OSTF1: variants seen among roughly 807,000 people sequenced by gnomAD.
OSTF1 encodes osteoclast-stimulating factor 1.
In OSTF1, 27 loss-of-function variants were observed where a neutral mutation model predicts 37.2. The ratio of observed to expected loss-of-function variants is 0.73; its 90% confidence interval spans 0.54 to 1.00. The LOEUF (loss-of-function observed/expected upper bound fraction) is 1.00, where lower values mean the gene tolerates loss of function less well. Among genes scored for constraint, OSTF1 ranks in the 50% least tolerant of loss-of-function variants. OSTF1 has a pLI of 0.00. For missense variants in OSTF1, 232 were observed against 253.8 expected (o/e 0.91, Z 0.58); for synonymous variants, 82 against 89.2 (o/e 0.92, Z 0.46).
chr9:75,097,366 T>G (rs1267471662), intron 1 of OSTF1, among the ~76,000 whole-genome samples: 2 of 152,152 alleles, frequency 1.3e-5, no homozygotes, highest in Non-Finnish European at 2.9e-5. Context: ...GCCTTTGCAC[T>G]CTTGAAAACC....
chr9:75,110,811 A>G (rs1323362695), intron 1 of OSTF1, among the ~76,000 whole-genome samples: 3 of 151,958 alleles, frequency 2.0e-5, no homozygotes, highest in African/African-American at 7.3e-5. Context: ...CCTGGGTTCA[A>G]GTAGTCCTCC....
intron 1 of OSTF1, among the ~76,000 whole-genome samples, chr9:75,090,397 G>A (rs953903254): frequency 6.6e-6 from 1 of 151,984 alleles, no homozygotes; most frequent in African/African-American, 2.4e-5. Flanking sequence ...GTTACTAATT[G>A]TGGATACATT....
intron 3 of OSTF1, among the ~76,000 whole-genome samples, chr9:75,128,387 T>TTTTTTGTCC (rs1439910491): frequency 3.3e-5 from 3 of 91,736 alleles, no homozygotes; most frequent in African/African-American, 9.0e-5. Flanking sequence ...TATATATATA[T>TTTTTTGTCC]ATATATATAT....
chr9:75,131,374 G>T (rs1825759126), intron 4 of OSTF1, among the ~76,000 whole-genome samples: 1 of 152,138 alleles, frequency 6.6e-6, no homozygotes, highest in Non-Finnish European at 1.5e-5. Flanking sequence ...TTATTTTCAG[G>T]TATCTTTAAA....
intron 1 of OSTF1, among the ~76,000 whole-genome samples, chr9:75,096,556 G>A (rs901249233): frequency 6.6e-6 from 1 of 151,904 alleles, no homozygotes; most frequent in Non-Finnish European, 1.5e-5. Flanking sequence ...CTTTACAAGG[G>A]TCTCCCTGGC....
chr9:75,139,027 CTTCTTTCTTTCTTTCT>C (rs201231543), intron 8 of OSTF1, among the ~76,000 whole-genome samples: 2 of 120,502 alleles, frequency 1.7e-5, no homozygotes, highest in Admixed American at 8.4e-5. Flanking sequence ...TTTGGGGACA[CTTCTTTCTTTCTTTCT>C]TTCTTTCTTT....
At chr9:75,097,450 T>C (rs1825106859) in intron 1 of OSTF1, among the ~76,000 whole-genome samples, 1 of 152,194 alleles carries the variant, frequency 6.6e-6, no homozygotes, top group African/African-American at 2.4e-5. Flanking sequence ...ACCAATGGAA[T>C]GGACCCCTCC....
At chr9:75,102,032 C>T (rs927115270) in intron 1 of OSTF1, among the ~76,000 whole-genome samples, 8 of 152,332 alleles carry the variant, frequency 5.3e-5, no homozygotes, top group Admixed American at 2.6e-4. Flanking sequence ...GGCAGTGGCA[C>T]AATTATAGCT....
intron 1 of OSTF1, among the ~76,000 whole-genome samples, chr9:75,090,069 T>C (rs1411325482): frequency 6.6e-6 from 1 of 152,214 alleles, no homozygotes; most frequent in Non-Finnish European, 1.5e-5. Flanking sequence ...GAAATTTCCA[T>C]TTTAAGTGCA....
intron 6 of OSTF1, among the ~76,000 whole-genome samples, chr9:75,133,613 A>G (rs1825800607): frequency 6.6e-6 from 1 of 152,198 alleles, no homozygotes; most frequent in African/African-American, 2.4e-5. Context: ...CTCTCGCTTG[A>G]AAGACTGGAC....
At chr9:75,093,302 C>T (rs7042557) in intron 1 of OSTF1, among the ~76,000 whole-genome samples, 5,466 of 152,136 alleles carry the variant, frequency 0.036, 132 homozygotes, top group African/African-American at 0.063. Flanking sequence ...GTTCAATTAG[C>T]GTGAATCTGT....
chr9:75,121,460 G>A (rs1019919694), intron 2 of OSTF1, among the ~76,000 whole-genome samples: 1 of 151,994 alleles, frequency 6.6e-6, no homozygotes, highest in Non-Finnish European at 1.5e-5. Context: ...AATATTTTTA[G>A]TCCCAAGGAT....
chr9:75,130,421 A>G (rs1825744119), intron 3 of OSTF1, among the ~76,000 whole-genome samples, 157 bp from the exon 4 acceptor site: 1 of 152,142 alleles, frequency 6.6e-6, no homozygotes, highest in African/African-American at 2.4e-5. Context: ...GGTAAGGGAG[A>G]CGGACACCCA....
chr9:75,140,795 C>T (rs1017341224), intron 8 of OSTF1, 39 bp from the exon 9 acceptor site: 1 of 1,465,744 alleles, frequency 6.8e-7, no homozygotes, highest in East Asian at 2.3e-5. Context: ...ACTATATAGT[C>T]TTCAAAGACA....
chr9:75,115,345 G>A (rs555277893), intron 1 of OSTF1, among the ~76,000 whole-genome samples: 2 of 152,250 alleles, frequency 1.3e-5, no homozygotes, highest in Middle Eastern at 3.4e-3. Context: ...AGGCTGGAGT[G>A]TAGTGGCGTG....
At chr9:75,121,701 C>A (rs1825583049) in intron 2 of OSTF1, among the ~76,000 whole-genome samples, 1 of 152,180 alleles carries the variant, frequency 6.6e-6, no homozygotes, top group African/African-American at 2.4e-5. Context: ...ATGAGAATTT[C>A]TGTTGGAAGC....
At chr9:75,121,470 T>C (rs1016390969) in intron 2 of OSTF1, among the ~76,000 whole-genome samples, 2 of 152,310 alleles carry the variant, frequency 1.3e-5, no homozygotes, top group Non-Finnish European at 2.9e-5. Context: ...GTCCCAAGGA[T>C]TATAGGCTAC....
At chr9:75,117,045 G>C (rs2118513776) in intron 1 of OSTF1, among the ~76,000 whole-genome samples, 1 of 151,984 alleles carries the variant, frequency 6.6e-6, no homozygotes, top group Non-Finnish European at 1.5e-5. Flanking sequence ...TAGTCACATT[G>C]ATATATAATG....
intron 9 of OSTF1, among the ~76,000 whole-genome samples, chr9:75,142,013 A>C (rs1825952282): frequency 6.6e-6 from 1 of 152,068 alleles, no homozygotes. Flanking sequence ...CTCCCAAAGC[A>C]CTGGGATTAC....
Sources: allele counts gnomAD v4.1 joint callset (sites outside exome capture counted in the v4.1 genomes callset), GRCh38; gene constraint gnomAD v4.1.1; transcripts MANE v1.5; gene names NCBI Gene and HGNC (gene_info 2026-07-23, HGNC 2026-07-21).